The following EPB41L3 variants were observed in gnomAD, a reference collection of about 807,000 sequenced individuals.
The protein encoded by EPB41L3 is band 4.1-like protein 3.
Under a neutral mutation model 127.1 loss-of-function variants are expected in EPB41L3, and 57 were observed. The observed-to-expected ratio is 0.45, with a 90% CI of 0.36 to 0.56. The LOEUF (loss-of-function observed/expected upper bound fraction) is 0.56. EPB41L3 is among the 20% of genes least tolerant of loss of function. The pLI, the probability that EPB41L3 is intolerant of heterozygous loss-of-function variation, is 0.00. For synonymous variants in EPB41L3, 572 were observed against 549.5 expected (o/e 1.04, Z -0.57); for missense variants, 1,273 against 1,372.2 (o/e 0.93, Z 1.14).
intron 14 of EPB41L3, 141 bp downstream of exon 14, chr18:5,410,425 A>G (rs902459502): frequency 6.6e-6 from 4 of 606,898 alleles, no homozygotes; most frequent in Non-Finnish European, 1.2e-5. Context: ...CTAGACAACA[A>G]AATACATATT....
intron 1 of EPB41L3, among the ~76,000 whole-genome samples, chr18:5,530,855 T>C (rs1475719042): frequency 1.3e-5 from 2 of 152,182 alleles, no homozygotes; most frequent in Non-Finnish European, 2.9e-5. Context: ...ATTATGTCTG[T>C]GCTCAGGGTG....
At chr18:5,533,367 C>T (rs1555790355) in intron 1 of EPB41L3, among the ~76,000 whole-genome samples, 1 of 151,974 alleles carries the variant, frequency 6.6e-6, no homozygotes, top group Non-Finnish European at 1.5e-5. Flanking sequence ...TTTTGTTGTC[C>T]CCCTATGTGG....
At chr18:5,560,959 ATTT>A (rs2094118535) in intron 3 of EPB41L3, among the ~76,000 whole-genome samples, 1 of 130,614 alleles carries the variant, frequency 7.7e-6, no homozygotes, top group Non-Finnish European at 1.7e-5. Flanking sequence ...TTATTTATTT[ATTT>A]ATTTATTTAT....
chr18:5,629,555 G>A (rs2094965713), upstream of EPB41L3, among the ~76,000 whole-genome samples: 2 of 152,178 alleles, frequency 1.3e-5, no homozygotes, highest in African/African-American at 4.8e-5. Context: ...GGAGGCGGAG[G>A]CTCTGGCCTC....
chr18:5,521,726 G>C (rs1467957788), intron 1 of EPB41L3, among the ~76,000 whole-genome samples: 2 of 152,150 alleles, frequency 1.3e-5, no homozygotes, highest in Non-Finnish European at 2.9e-5. Context: ...TACAGGCTTA[G>C]AGATAACAAA....
intron 1 of EPB41L3, among the ~76,000 whole-genome samples, chr18:5,520,557 TAA>T (rs11339935): frequency 8.9e-4 from 94 of 105,166 alleles, no homozygotes; most frequent in African/African-American, 1.2e-3. Flanking sequence ...TTTCCCAAAA[TAA>T]AAAAAAAAAA....
intron 1 of EPB41L3, among the ~76,000 whole-genome samples, chr18:5,520,557 T>TAAAAAAAAAA (rs11339935): frequency 1.9e-5 from 2 of 105,184 alleles, no homozygotes. Flanking sequence ...TTTCCCAAAA[T>TAAAAAAAAAA]AAAAAAAAAA....
At chr18:5,456,888 C>T (rs1568258771) in intron 3 of EPB41L3, among the ~76,000 whole-genome samples, 1 of 152,200 alleles carries the variant, frequency 6.6e-6, no homozygotes, top group African/African-American at 2.4e-5. Flanking sequence ...ATTCGAGAAC[C>T]AGACACGGCA....
At chr18:5,420,142 T>G in intron 11 of EPB41L3, 2 of 587,854 alleles carry the variant, frequency 3.4e-6, no homozygotes. Flanking sequence ...CGTGAAATGC[T>G]CATGTCTTGG....
At chr18:5,431,409 A>AACTG (rs2145699285) in intron 8 of EPB41L3, 2 of 152,352 alleles carry the variant, frequency 1.3e-5, no homozygotes, top group East Asian at 3.9e-4. Flanking sequence ...TGGAGTCTAT[A>AACTG]ACTGAATTAT....
At chr18:5,425,191 C>A (rs1193661725) in intron 9 of EPB41L3, among the ~76,000 whole-genome samples, 1 of 152,140 alleles carries the variant, frequency 6.6e-6, no homozygotes, top group Non-Finnish European at 1.5e-5. Flanking sequence ...TAGCAAAAAT[C>A]ATTTATATGG....
At chr18:5,394,414 C>T (rs1281541254) in intron 22 of EPB41L3, 2 of 343,768 alleles carry the variant, frequency 5.8e-6, no homozygotes, top group East Asian at 4.8e-5. Context: ...AAAGGGAACA[C>T]CAGGAAGACC....
intron 1 of EPB41L3, among the ~76,000 whole-genome samples, chr18:5,527,107 G>C (rs2093250257): frequency 6.6e-6 from 1 of 151,700 alleles, no homozygotes; most frequent in Admixed American, 6.6e-5. Flanking sequence ...TATTAACAAC[G>C]TGGAAGTGTT....
chr18:5,464,698 C>T (rs950203411), intron 3 of EPB41L3, among the ~76,000 whole-genome samples: 1 of 151,992 alleles, frequency 6.6e-6, no homozygotes, highest in Non-Finnish European at 1.5e-5. Flanking sequence ...TATGGAAGGG[C>T]AAATATAGAA....
chr18:5,505,301 C>T (rs1363572703), intron 1 of EPB41L3, among the ~76,000 whole-genome samples: 2 of 152,098 alleles, frequency 1.3e-5, no homozygotes, highest in East Asian at 3.9e-4. Context: ...AAATACAAAC[C>T]AACAAAAACA....
At chr18:5,462,341 T>A (rs1236419166) in intron 3 of EPB41L3, among the ~76,000 whole-genome samples, 1 of 152,282 alleles carries the variant, frequency 6.6e-6, no homozygotes, top group African/African-American at 2.4e-5. Flanking sequence ...AAAGGAGAAC[T>A]GGCAATGAAC....
intron 1 of EPB41L3, chr18:5,518,488 T>A (rs576156328): frequency 6.6e-6 from 1 of 152,454 alleles, no homozygotes; most frequent in Admixed American, 6.5e-5. Context: ...ATCTCCTCTG[T>A]GCTGTATTCA....
intron 5 of EPB41L3, among the ~76,000 whole-genome samples, chr18:5,440,163 C>T (rs2080464679): frequency 6.6e-6 from 1 of 152,144 alleles, no homozygotes; most frequent in Non-Finnish European, 1.5e-5. Flanking sequence ...GCCTAGGAAT[C>T]GATGGCTTGA....
intron 3 of EPB41L3, among the ~76,000 whole-genome samples, chr18:5,590,341 CA>C (rs955068684): frequency 9.9e-5 from 15 of 152,114 alleles, no homozygotes; most frequent in Non-Finnish European, 1.8e-4. Flanking sequence ...CTTTAAAATC[CA>C]ATCCTGGGCC....
Sources: gnomAD v4.1 joint callset for allele counts (sites outside exome capture counted in the v4.1 genomes callset) on GRCh38, gnomAD v4.1.1 for gene constraint, MANE v1.5 for transcripts, NCBI Gene and HGNC (gene_info 2026-07-23, HGNC 2026-07-21) for gene names.